Variants in RFX3 observed in about 807,000 individuals in gnomAD.
RFX3 encodes the protein regulatory factor X3, also known as transcription factor RFX3.
In RFX3, 14 loss-of-function variants were observed where a neutral mutation model predicts 98.6. That is an observed-to-expected ratio of 0.14 (90% confidence interval 0.09 to 0.22). The LOEUF (loss-of-function observed/expected upper bound fraction) is 0.22. Ranked by LOEUF, RFX3 falls within the 10% of genes least tolerant of loss-of-function variation. The pLI, the probability that RFX3 is intolerant of heterozygous loss-of-function variation, is 1.00. For missense variants in RFX3, 639 were observed against 926.9 expected, an observed-to-expected ratio of 0.69 and a Z score of 4.03; for synonymous variants, 383 against 328.4, an observed-to-expected ratio of 1.17 and a Z score of -1.80.
intron 1 of RFX3, among the ~76,000 whole-genome samples, chr9:3,480,776 T>TA (rs1221720275): frequency 6.6e-6 from 1 of 152,120 alleles, no homozygotes; most frequent in Non-Finnish European, 1.5e-5. Context: ...TGCTGTATTG[T>TA]AAAACAGGAA....
intron 2 of RFX3, among the ~76,000 whole-genome samples, chr9:3,381,390 T>C (rs1800957177): frequency 1.3e-5 from 2 of 152,050 alleles, no homozygotes; most frequent in Admixed American, 6.6e-5. Context: ...CAAAGTAAAA[T>C]TAATTTATTT....
chr9:3,275,642 G>A, intron 8 of RFX3, 30 bp from the exon 9 acceptor site: 2 of 1,401,018 alleles, frequency 1.4e-6, no homozygotes, highest in Non-Finnish European at 2.0e-6. Context: ...ACAGAAAAAA[G>A]CTATTGTGGA....
intron 3 of RFX3, among the ~76,000 whole-genome samples, chr9:3,334,318 G>T (rs1243114045): frequency 6.6e-6 from 1 of 152,188 alleles, no homozygotes; most frequent in African/African-American, 2.4e-5. Context: ...CATGGAAAAG[G>T]CAGGGCCATT....
At chr9:3,399,568 T>C (rs1323829477) in intron 1 of RFX3, among the ~76,000 whole-genome samples, 1 of 152,234 alleles carries the variant, frequency 6.6e-6, no homozygotes, top group African/African-American at 2.4e-5. Flanking sequence ...CTCTTTTCAA[T>C]TGAATGGCCT....
At chr9:3,481,982 A>T (rs1490288689) in intron 1 of RFX3, among the ~76,000 whole-genome samples, 1 of 152,142 alleles carries the variant, frequency 6.6e-6, no homozygotes, top group Non-Finnish European at 1.5e-5. Flanking sequence ...GAACACTCTG[A>T]TAATTGATAA....
chr9:3,438,080 T>C (rs1474553962), intron 1 of RFX3, among the ~76,000 whole-genome samples: 1 of 152,056 alleles, frequency 6.6e-6, no homozygotes, highest in African/African-American at 2.4e-5. Context: ...ATGTTCTCCA[T>C]ATGATCGTAA....
intron 1 of RFX3, among the ~76,000 whole-genome samples, chr9:3,499,924 T>C (rs888878307): frequency 2.0e-4 from 30 of 152,156 alleles, no homozygotes; most frequent in African/African-American, 7.0e-4. Flanking sequence ...AACTTAACTA[T>C]TCTGAGCTGG....
intron 1 of RFX3, among the ~76,000 whole-genome samples, chr9:3,507,256 T>G (rs1027194305): frequency 6.6e-6 from 1 of 151,792 alleles, no homozygotes; most frequent in Non-Finnish European, 1.5e-5. Context: ...TTAGAAGAGA[T>G]TAATTGAAGT....
At chr9:3,343,909 C>G (rs1834163365) in intron 3 of RFX3, among the ~76,000 whole-genome samples, 1 of 152,148 alleles carries the variant, frequency 6.6e-6, no homozygotes, top group Non-Finnish European at 1.5e-5. Flanking sequence ...ACCAGCTGAG[C>G]TAGTGGGCCA....
At chr9:3,313,993 C>T (rs963673195) in intron 4 of RFX3, among the ~76,000 whole-genome samples, 2 of 152,052 alleles carry the variant, frequency 1.3e-5, no homozygotes, top group African/African-American at 4.8e-5. Context: ...CGAGGCAGGC[C>T]AACATTCAAA....
intron 7 of RFX3, among the ~76,000 whole-genome samples, chr9:3,279,430 G>GA (rs1222853621): frequency 6.6e-6 from 1 of 151,636 alleles, no homozygotes; most frequent in African/African-American, 2.4e-5. Flanking sequence ...CCTGGAGGAG[G>GA]AAAAAATGAA....
intron 15 of RFX3, among the ~76,000 whole-genome samples, chr9:3,242,188 C>T (rs906027625): frequency 2.6e-5 from 4 of 152,264 alleles, no homozygotes; most frequent in Admixed American, 6.5e-5. Context: ...CTCTTTTCCT[C>T]ACTGGTGAAA....
intron 1 of RFX3, among the ~76,000 whole-genome samples, chr9:3,505,026 A>G (rs1254199203): frequency 3.4e-5 from 3 of 88,646 alleles, no homozygotes; most frequent in Non-Finnish European, 5.8e-5. Context: ...AAAATATTTT[A>G]AATAATATAA....
chr9:3,436,889 G>A (rs1471575758), intron 1 of RFX3, among the ~76,000 whole-genome samples: 2 of 151,900 alleles, frequency 1.3e-5, no homozygotes, highest in Non-Finnish European at 2.9e-5. Flanking sequence ...TACAAGCCAA[G>A]CACCTCAAAA....
chr9:3,506,868 GA>G (rs1282640220), intron 1 of RFX3, among the ~76,000 whole-genome samples: 2 of 151,190 alleles, frequency 1.3e-5, no homozygotes, highest in Non-Finnish European at 1.5e-5. Flanking sequence ...ATTCATTTTG[GA>G]AAAAAAAGAA....
intron 1 of RFX3, among the ~76,000 whole-genome samples, chr9:3,468,839 G>C (rs906169491): frequency 1.6e-5 from 2 of 122,058 alleles, no homozygotes; most frequent in Non-Finnish European, 3.5e-5. Context: ...AAAGAAAAAA[G>C]AAAAAAAAGA....
chr9:3,301,082 T>G (rs1828597316), intron 5 of RFX3, among the ~76,000 whole-genome samples: 1 of 151,860 alleles, frequency 6.6e-6, no homozygotes, highest in African/African-American at 2.4e-5. Flanking sequence ...ATAGTCTTAC[T>G]GGTAAACAAA....
intron 6 of RFX3, among the ~76,000 whole-genome samples, chr9:3,291,147 C>T (rs1827275190): frequency 6.6e-6 from 1 of 152,106 alleles, no homozygotes. Flanking sequence ...GGCAGATCAC[C>T]TAAGGTCAGG....
chr9:3,236,736 C>G (rs1819205110), intron 15 of RFX3, among the ~76,000 whole-genome samples: 1 of 152,198 alleles, frequency 6.6e-6, no homozygotes, highest in Non-Finnish European at 1.5e-5. Context: ...ACATGATAAT[C>G]AGCAACAGAT....
Sources: gnomAD v4.1 joint callset for allele counts (sites outside exome capture counted in the v4.1 genomes callset) on GRCh38, gnomAD v4.1.1 for gene constraint, MANE v1.5 for transcripts, NCBI Gene and HGNC (gene_info 2026-07-23, HGNC 2026-07-21) for gene names.